SRCIN1: variants seen among roughly 807,000 people sequenced by gnomAD.
SRCIN1 encodes P130Cas-associated protein.
A neutral mutation model predicts 116.2 loss-of-function variants in SRCIN1; 50 were observed. That is an observed-to-expected ratio of 0.43 (90% CI 0.34 to 0.54). SRCIN1 has a LOEUF of 0.54. SRCIN1 is among the 20% of genes least tolerant of loss of function. The pLI is 0.02. For synonymous variants in SRCIN1, 736 were observed against 750.0 expected, an observed-to-expected ratio of 0.98 and a Z score of 0.30; for missense variants, 1,446 against 1,672.0, an observed-to-expected ratio of 0.86 and a Z score of 2.36.
At chr17:38,567,293 C>T (rs1906786083) in intron 3 of SRCIN1, among the ~76,000 whole-genome samples, 3 of 152,222 alleles carry the variant, frequency 2.0e-5, no homozygotes, top group Admixed American at 2.0e-4. Context: ...GGATATGTGG[C>T]TTGCCCCAGG....
rs766699703 is a variant in SRCIN1 at position 38,561,649 on chromosome 17, A to C, written c.1514T>G (p.Val505Gly). 1.3e-6 allele frequency: 2 copies of C among 1,565,844 alleles called. No individual in the cohort carries two copies. Among genetic ancestry groups the C allele is most frequent in the Non-Finnish European group, 1.7e-6 (2 of 1,155,736 alleles). The change falls in exon 7 of 19, where the codon GTG becomes GGG. Residue 505 changes from valine (V) to glycine (G), a missense_variant. Coordinates refer to ENST00000617146, the MANE Select transcript of SRCIN1 (RefSeq NM_025248.3). ...CGAGTCCTTGCGGAAGGACTGGCGC[A>C]CTGGCGAGCCGCGGCTGGGCGGCCC... ...YSGPPSRGSP[V>G]RQSFRKDSGS...
chr17:38,566,906 C>CTTCCTTCCTTCT (rs1269090754), intron 3 of SRCIN1, among the ~76,000 whole-genome samples: 68 of 134,604 alleles, frequency 5.1e-4, no homozygotes, highest in African/African-American at 1.7e-3. Flanking sequence ...TCCTTCTTTC[C>CTTCCTTCCTTCT]TTCCTTCCTT....
chr17:38,547,783 GC>G (rs1275335390), intron 17 of SRCIN1: 2 of 272,874 alleles, frequency 7.3e-6, no homozygotes, highest in South Asian at 2.8e-5. Flanking sequence ...CTGGGGCTGA[GC>G]CCCCGGGGGG....
chr17:38,598,520 A>G (rs560854773), intron 1 of SRCIN1, among the ~76,000 whole-genome samples: 1 of 152,208 alleles, frequency 6.6e-6, no homozygotes, highest in East Asian at 1.9e-4. Flanking sequence ...TCTCTCTATA[A>G]GCTGAGTCTG....
intron 1 of SRCIN1, 94 bp downstream of exon 1, chr17:38,605,589 CG>C: frequency 9.5e-7 from 1 of 1,057,594 alleles, no homozygotes; most frequent in Non-Finnish European, 1.3e-6. Context: ...CCGCCGCCCC[CG>C]CCCCCGGCCG....
rs1410453826 is a variant in SRCIN1 at position 38,578,531 on chromosome 17, C to A, written c.283G>T (p.Ala95Ser). 1.9e-6 allele frequency: 3 copies of A among 1,598,082 alleles called. No individual in the cohort carries two copies. The highest frequency in any genetic ancestry group is 2.6e-6 in the Non-Finnish European group (3 of 1,167,114). ...TCCTGCTGGCCTCGCAGGGCCAGGG[C>A]GTGCTGTGGGTACTTGCTCTTCAGG... is the stretch of plus-strand genomic sequence containing the variant. ...DHLKSKYPQH[A>S]LALRGQQDRM... Residue 95 changes from alanine to serine, a missense_variant, in exon 2 of 19, where the codon GCC (alanine) becomes TCC (serine). By Grantham distance (99) the Ala-to-Ser change is moderately conservative. Coordinates refer to ENST00000617146, the MANE Select transcript of SRCIN1 (RefSeq NM_025248.3).
Position 38,558,403 on chromosome 17 carries a change from C to T in SRCIN1, c.2026-1G>A. The T allele has an allele frequency of 6.3e-7, 1 of 1,594,652 alleles. No individual in the cohort carries two copies. Among genetic ancestry groups the T allele is most frequent in the Non-Finnish European group, 8.5e-7 (1 of 1,175,566 alleles). Reference sequence around the variant, plus strand: ...CGCGCACCGACTCCTGGTTCTGTAGCTGCGGGACGCACGGACGGATGGACC... The same window carrying T: ...CGCGCACCGACTCCTGGTTCTGTAGTTGCGGGACGCACGGACGGATGGACC... On this transcript the variant is annotated splice_acceptor_variant, in intron 10 of 18. Coordinates refer to ENST00000617146, the MANE Select transcript of SRCIN1 (RefSeq NM_025248.3). LOFTEE classifies it high-confidence loss of function. This position sits in a 1 kb window ranked among gnomAD's most constrained non-coding sequence, Gnocchi z 4.6.
Position 38,562,583 on chromosome 17 carries a change from G to A in SRCIN1, c.834+244C>T, listed in dbSNP as rs535620873. 3.3e-5 allele frequency among the ~76,000 whole-genome samples: 5 copies of A among 152,156 alleles called. No individual in the cohort carries two copies. The highest frequency in any genetic ancestry group is 1.2e-4 in the African/African-American group (5 of 41,382). ...GAGGGGTGGGAAGTAGAAGGGGAAG[G>A]GGTGGCTCCGGCTCCTGAGAGAGGG... On this transcript the variant is annotated intron_variant, in intron 6 of 18. Transcript: ENST00000617146. The surrounding 1 kb of genome is among the most constrained non-coding windows in gnomAD (Gnocchi z 4.2).
In SRCIN1 at chr17:38,558,467, C is replaced by G. The variant is rs530248807; in HGVS notation, c.2026-65G>C. ...CGGAGCCGCGAGGCAGGGGAAGGGC[C>G]GGGAGAAGGCGGGTAGAGGACTGCC... is the stretch of plus-strand genomic sequence containing the variant. On this transcript the variant is annotated intron_variant, in intron 10 of 18. Transcript: ENST00000617146. The surrounding 1 kb of genome is among the most constrained non-coding windows in gnomAD (Gnocchi z 4.6). 4.6e-6 allele frequency: 7 copies of G among 1,509,100 alleles called. No individual in the cohort carries two copies. The East Asian group carries it at 1.3e-4, about 27-fold the overall frequency. 93.5% of individuals were successfully genotyped at this position (1,509,100 alleles called of 1,614,324 possible). A position where few individuals can be genotyped will look rare whatever the true frequency, so the allele number is the denominator to read the frequency against.
intron 1 of SRCIN1, among the ~76,000 whole-genome samples, chr17:38,590,267 G>A (rs1347747073): frequency 6.6e-6 from 1 of 152,154 alleles, no homozygotes; most frequent in African/African-American, 2.4e-5. Flanking sequence ...AGACAGTCCT[G>A]CTCTGTCGCC....
At chr17:38,564,355 C>CA (rs1906523322) in intron 3 of SRCIN1, 42 bp from the exon 4 acceptor site, 4 of 1,400,998 alleles carry the variant, frequency 2.9e-6, no homozygotes, top group Non-Finnish European at 3.7e-6. Context: ...AGGATGAGCA[C>CA]CCCCCCTCCC....
chr17:38,550,426 G>A (rs999682433), intron 15 of SRCIN1, among the ~76,000 whole-genome samples: 2 of 152,102 alleles, frequency 1.3e-5, no homozygotes, highest in Non-Finnish European at 2.9e-5. Context: ...CCCAGGAGGC[G>A]GAGCTTGTAG....
chr17:38,569,730 GT>G (rs1455087585), intron 2 of SRCIN1, among the ~76,000 whole-genome samples: 1 of 152,174 alleles, frequency 6.6e-6, no homozygotes, highest in African/African-American at 2.4e-5. Flanking sequence ...GGACAACAAA[GT>G]CTGTGTCCCA....
intron 1 of SRCIN1, among the ~76,000 whole-genome samples, chr17:38,601,524 G>A (rs1031873452): frequency 4.6e-5 from 7 of 152,136 alleles, no homozygotes; most frequent in Middle Eastern, 3.2e-3. Flanking sequence ...GGGCAGGGCA[G>A]AAGAGCAGGG....
intron 1 of SRCIN1, among the ~76,000 whole-genome samples, chr17:38,599,601 T>C (rs571492285): frequency 2.0e-5 from 3 of 152,334 alleles, no homozygotes; most frequent in African/African-American, 7.2e-5. Context: ...GGGAGGTTTA[T>C]CTTCCTATCT....
intron 3 of SRCIN1, among the ~76,000 whole-genome samples, chr17:38,564,867 C>T (rs1016876302): frequency 5.9e-5 from 9 of 151,970 alleles, no homozygotes; most frequent in Admixed American, 2.0e-4. Context: ...GGGAATGTGC[C>T]TGATTTAGGG....
intron 2 of SRCIN1, among the ~76,000 whole-genome samples, chr17:38,570,647 C>T (rs1351575619): frequency 1.3e-5 from 2 of 152,240 alleles, no homozygotes; most frequent in Non-Finnish European, 2.9e-5. Context: ...GACTGAGGCC[C>T]ACCTCGTGGT....
chr17:38,557,310 C>A (rs1387907158), intron 11 of SRCIN1, among the ~76,000 whole-genome samples: 1 of 152,214 alleles, frequency 6.6e-6, no homozygotes, highest in Non-Finnish European at 1.5e-5. Flanking sequence ...TACAACTCAA[C>A]CCCTTGTTGA....
intron 18 of SRCIN1, among the ~76,000 whole-genome samples, chr17:38,534,216 C>T (rs1444370733): frequency 1.3e-5 from 2 of 152,226 alleles, no homozygotes; most frequent in South Asian, 2.1e-4. Context: ...GGCTTTTCCT[C>T]TGCAGCTGCG....
Sources: gnomAD v4.1 joint callset for allele counts (sites outside exome capture counted in the v4.1 genomes callset) on GRCh38, gnomAD v4.1.1 for gene constraint, Gnocchi (gnomAD v3.1) non-coding constraint, MANE v1.5 for transcripts, NCBI Gene and HGNC (gene_info 2026-07-23, HGNC 2026-07-21) for gene names.